The following HLA-DOA variants were observed in gnomAD, a reference collection of about 807,000 sequenced individuals.
The protein encoded by HLA-DOA is HLA class II histocompatibility antigen, DO alpha chain.
Under a neutral mutation model 22.9 loss-of-function variants are expected in HLA-DOA, and 27 were observed. That is an observed-to-expected ratio of 1.18 (90% CI 0.87 to 1.62). The LOEUF (loss-of-function observed/expected upper bound fraction) is 1.62. Ranked by LOEUF, HLA-DOA falls within the 40% of genes most tolerant of loss-of-function variation. HLA-DOA has a pLI of 0.00. For synonymous variants in HLA-DOA, 137 were observed against 138.6 expected, an observed-to-expected ratio of 0.99 and a Z score of 0.08; for missense variants, 324 against 332.4, an observed-to-expected ratio of 0.97 and a Z score of 0.20.
At chr6:33,008,660 C>A (rs988712441) in intron 1 of HLA-DOA, among the ~76,000 whole-genome samples, 3 of 152,116 alleles carry the variant, frequency 2.0e-5, no homozygotes, top group Non-Finnish European at 4.4e-5. Context: ...GAGTATGGAG[C>A]TTTGCACAGA....
chr6:33,006,637 G>A lies in HLA-DOA; in HGVS notation c.*201C>T. On this transcript the variant is annotated 3_prime_UTR_variant, in exon 5 of 5. Transcript: ENST00000229829. The stretch of plus-strand genomic sequence containing the variant: ...AAGAATGTGTGTGTGTGTTGAATGG[G>A]AAGGGAAGCTAGTAGGTGTCCAACA... 2 of 711,188 alleles carry A rather than the reference G, an allele frequency of 2.8e-6. No homozygotes were observed. The highest frequency in any genetic ancestry group is 3.2e-5 in the South Asian group (2 of 62,882). 44.1% of individuals were successfully genotyped at this position (711,188 alleles called of 1,614,324 possible).
chr6:33,007,814 G>C, intron 2 of HLA-DOA, 199 bp downstream of exon 2: 1 of 848,766 alleles, frequency 1.2e-6, no homozygotes, highest in Non-Finnish European at 1.8e-6. Context: ...GCGGGAGTCC[G>C]GGTGAGAGGT....
chr6:33,006,921 C>G, intron 4 of HLA-DOA, 80 bp from the exon 5 acceptor site: 1 of 1,453,144 alleles, frequency 6.9e-7, no homozygotes, highest in Non-Finnish European at 9.7e-7. Flanking sequence ...CCACCTCCCC[C>G]AAAACCTCAC....
At position 33,007,127 on chromosome 6, in the gene HLA-DOA, C is replaced by A. The variant is rs1372241320; in HGVS notation, c.702G>T (p.Val234=). The change falls in exon 4 of 5, where the codon GTG becomes GTT. Residue 234 remains valine, a synonymous_variant. Transcript: ENST00000229829. ...GLAIGLVGFL[V]GTVLIIMGTY... ...TGCCCATGATGATGAGGACGGTGCC[C>A]ACGAGGAAGCCCACCAGGCCGATGG... The A allele has an allele frequency of 1.2e-6, 2 of 1,613,878 alleles. No homozygotes were observed. The highest frequency in any genetic ancestry group is 8.5e-7 in the Non-Finnish European group (1 of 1,180,026).
rs1467556355 is a variant in HLA-DOA at position 33,007,211 on chromosome 6, G to C, written c.618C>G (p.Leu206=). Residue 206 remains leucine (L), a synonymous_variant, in exon 4 of 5, where the codon CTC becomes CTG. Coordinates refer to ENST00000229829, the MANE Select transcript of HLA-DOA (RefSeq NM_002119.4). ...LDAPLLRHWE[L]QVPIPPPDAM... ...CATCTGGTGGTGGAATAGGCACCTGGAGCTCTAGGAGAGAAAGGAAGGAGT... is the reference window on the plus strand; with the variant it reads ...CATCTGGTGGTGGAATAGGCACCTGCAGCTCTAGGAGAGAAAGGAAGGAGT... 1.2e-6 allele frequency: 2 copies of C among 1,613,786 alleles called. No individual in the cohort carries two copies. Among genetic ancestry groups the C allele is most frequent in the Admixed American group, 3.3e-5 (2 of 60,032 alleles).
Position 33,007,577 on chromosome 6 carries a change from G to A in HLA-DOA, c.347C>T (p.Thr116Ile). 6.2e-7 allele frequency: 1 copy of A among 1,611,772 alleles called. No individual in the cohort carries two copies. Among genetic ancestry groups the A allele is most frequent in the Non-Finnish European group, 8.5e-7 (1 of 1,179,398 alleles). ...SRAINVPPRVTVLPKSRVELG... is the reference protein window; with the variant it reads ...SRAINVPPRVIVLPKSRVELG... ...CTCCACCCGAGACTTGGGGAGCACG[G>A]TCACCCGTGGAGGCACTAGGAGGAA... The change falls in exon 3 of 5, where the codon ACC (threonine) becomes ATC (isoleucine). Residue 116 changes from threonine to isoleucine, a missense_variant. Transcript: ENST00000229829.
chr6:33,008,776 C>A (rs1454874179), intron 1 of HLA-DOA, among the ~76,000 whole-genome samples: 1 of 152,096 alleles, frequency 6.6e-6, no homozygotes, highest in Non-Finnish European at 1.5e-5. Context: ...CAACTCAAGG[C>A]ATTACAAAGA....
At chr6:33,008,382 C>T (rs1049525942) in intron 1 of HLA-DOA, 121 bp from the exon 2 acceptor site, 3 of 1,494,412 alleles carry the variant, frequency 2.0e-6, no homozygotes, top group Non-Finnish European at 2.7e-6. Flanking sequence ...GGGACAGAGT[C>T]CTGTTCTGAC....
chr6:33,008,243 T>C lies in HLA-DOA; in HGVS notation c.101A>G (p.Tyr34Cys). The change falls in exon 2 of 5, where the codon TAC becomes TGC. Residue 34 changes from tyrosine (Y) to cysteine (C), a missense_variant. Transcript: ENST00000229829. ...GTAAGACTGGTAGAAGGCGGGTCCG[T>C]AGGAGCCCATGTGGTCAGCTGTGTT... Reference protein sequence around the residue: ...GATKADHMGSYGPAFYQSYGA... With the variant: ...GATKADHMGSCGPAFYQSYGA... 1 of 1,612,926 alleles carries C rather than the reference T, an allele frequency of 6.2e-7. No homozygotes were observed. The highest frequency in any genetic ancestry group is 8.5e-7 in the Non-Finnish European group (1 of 1,180,006).
rs1273484658 is a variant in HLA-DOA, at chr6:33,007,456, C to T, written c.468G>A (p.Glu156=). 1 of 1,611,684 alleles carries T rather than the reference C, an allele frequency of 6.2e-7. No individual in the cohort carries two copies. Among genetic ancestry groups the T allele is most frequent in the African/African-American group, 1.3e-5 (1 of 75,068 alleles). The change falls in exon 3 of 5, where the codon GAG becomes GAA. Residue 156 remains glutamate (E), a synonymous_variant. Transcript: ENST00000229829. Reference sequence around the variant, plus strand: ...AATAGAAGCTGGTCTGGGCCACTCCCTCAGTGACAGTTTGGCCGTTGCGCA... The same window carrying T: ...AATAGAAGCTGGTCTGGGCCACTCCTTCAGTGACAGTTTGGCCGTTGCGCA... The part of the protein sequence containing the change: ...TWLRNGQTVT[E]GVAQTSFYSQ...
Position 33,006,696 on chromosome 6 carries a change from G to C in HLA-DOA, c.*142C>G, listed in dbSNP as rs1780820971. The C allele has an allele frequency of 2.9e-5, 39 of 1,346,414 alleles. 1 individual carries two copies. The highest frequency in any genetic ancestry group is 4.0e-4 in the Middle Eastern group (2 of 5,048). The allele number at this position is 1,346,414 out of a possible 1,614,324, so 83.4% of individuals were successfully genotyped here. A position where few individuals can be genotyped will look rare whatever the true frequency, so the allele number is the denominator to read the frequency against. ...CATGAATACTGGGGCCAAAAAAGAG[G>C]GGACCCGTAGGACAGATGTTGATCC... On this transcript the variant is annotated 3_prime_UTR_variant, in exon 5 of 5. Coordinates refer to ENST00000229829, the MANE Select transcript of HLA-DOA (RefSeq NM_002119.4).
intron 1 of HLA-DOA, among the ~76,000 whole-genome samples, chr6:33,008,822 C>T (rs982450751): frequency 3.9e-5 from 6 of 152,110 alleles, no homozygotes; most frequent in African/African-American, 1.4e-4. Context: ...AGGTTCATGT[C>T]CCAATTCCTC....
rs751367079 is a variant in HLA-DOA, at chr6:33,009,499, G to T, written c.38C>A (p.Thr13Asn). 9.3e-6 allele frequency: 15 copies of T among 1,606,968 alleles called. No homozygotes were observed. Among genetic ancestry groups the T allele is most frequent in the African/African-American group, 4.0e-5 (3 of 74,838 alleles). Residue 13 changes from threonine (T) to asparagine (N), a missense_variant, in exon 1 of 5, where the codon ACC becomes AAC. Transcript: ENST00000229829. This position sits in a 1 kb window ranked among gnomAD's most constrained non-coding sequence, Gnocchi z 4.8. ...CTGCGGGCTCAGGAGGGTCATCAGGGTGTGGAACCCCAGGACCAGCCCTGC... is the reference window on the plus strand; with the variant it reads ...CTGCGGGCTCAGGAGGGTCATCAGGTTGTGGAACCCCAGGACCAGCCCTGC... ...LRAGLVLGFH[T>N]LMTLLSPQEA...
intron 2 of HLA-DOA, 34 bp downstream of exon 2, chr6:33,007,979 C>A: frequency 6.3e-7 from 1 of 1,594,440 alleles, no homozygotes; most frequent in Non-Finnish European, 8.6e-7. Flanking sequence ...TGGACCTTCC[C>A]GCCTGACTGG....
chr6:33,007,684 A>C, intron 2 of HLA-DOA, 92 bp from the exon 3 acceptor site: 1 of 1,422,518 alleles, frequency 7.0e-7, no homozygotes, highest in Admixed American at 2.1e-5. Context: ...CTTTGTAGCC[A>C]TCTGTGGGCA....
rs1780788178 is a variant in HLA-DOA, at chr6:33,005,847, C to T, written c.*991G>A. On this transcript the variant is annotated 3_prime_UTR_variant, in exon 5 of 5. Coordinates refer to ENST00000229829, the MANE Select transcript of HLA-DOA (RefSeq NM_002119.4). ...CCTGTCCCCTTGGCCTCCCAAAGTG[C>T]TGGGATTACAGGAATGAGCCACTGC... The T allele has an allele frequency of 6.6e-6, 1 of 152,324 alleles. No homozygotes were observed. Among genetic ancestry groups the T allele is most frequent in the Non-Finnish European group, 1.5e-5 (1 of 68,142 alleles). The allele number at this position is 152,324 out of a possible 1,614,324, so 9.4% of individuals were successfully genotyped here. A position where few individuals can be genotyped will look rare whatever the true frequency, so the allele number is the denominator to read the frequency against.
At chr6:33,008,352 C>A in intron 1 of HLA-DOA, 91 bp from the exon 2 acceptor site, 1 of 1,539,506 alleles carries the variant, frequency 6.5e-7, no homozygotes. Flanking sequence ...GAGCCTGGGC[C>A]CCGTCCTGGG....
At chr6:33,007,248 G>T (rs768095325) in intron 3 of HLA-DOA, 33 bp from the exon 4 acceptor site, 1 of 1,613,492 alleles carries the variant, frequency 6.2e-7, no homozygotes, top group South Asian at 1.1e-5. Flanking sequence ...GGTGGTATAT[G>T]AAAGGATTCT....
chr6:33,008,986 C>A (rs1780947222), intron 1 of HLA-DOA, among the ~76,000 whole-genome samples: 1 of 152,006 alleles, frequency 6.6e-6, no homozygotes. Context: ...CAATGGGGGG[C>A]CAGGGAAATA....
Sources: gnomAD v4.1 joint callset for allele counts (sites outside exome capture counted in the v4.1 genomes callset) on GRCh38, gnomAD v4.1.1 for gene constraint, Gnocchi (gnomAD v3.1) non-coding constraint, MANE v1.5 for transcripts, NCBI Gene and HGNC (gene_info 2026-07-23, HGNC 2026-07-21) for gene names.